DYSF: variants seen among roughly 807,000 people sequenced by gnomAD.
The protein encoded by DYSF is dystrophy-associated fer-1-like 1.
DYSF carries 212 observed loss-of-function variants against 274.9 expected under a neutral mutation model. The observed-to-expected ratio is 0.77, with a 90% CI of 0.69 to 0.86. DYSF has a LOEUF of 0.86. Ranked by LOEUF, DYSF falls within the 40% of genes least tolerant of loss-of-function variation. The pLI is 0.00. For missense variants in DYSF, 2,666 were observed against 2,783.2 expected (o/e 0.96, Z 0.95); for synonymous variants, 1,091 against 1,078.7 (o/e 1.01, Z -0.22).
intron 17 of DYSF, among the ~76,000 whole-genome samples, chr2:71,550,699 G>T (rs913432441): frequency 1.3e-5 from 2 of 152,196 alleles, no homozygotes; most frequent in Non-Finnish European, 2.9e-5. Context: ...AACTTTGTGT[G>T]CTGGCTGAGT....
chr2:71,606,027 A>C (rs2093640764), intron 36 of DYSF, among the ~76,000 whole-genome samples: 2 of 152,056 alleles, frequency 1.3e-5, no homozygotes, highest in South Asian at 4.1e-4. Context: ...GAGGGTCCAT[A>C]GGCTACTGAT....
chr2:71,662,914 GTA>G (rs887581831), intron 45 of DYSF, among the ~76,000 whole-genome samples: 6 of 30,812 alleles, frequency 1.9e-4, no homozygotes, highest in Non-Finnish European at 6.3e-4. Flanking sequence ...GCCTGTGTGT[GTA>G]TATGTGTGCA....
chr2:71,493,164 C>T (rs1333866930), intron 3 of DYSF, among the ~76,000 whole-genome samples: 1 of 152,142 alleles, frequency 6.6e-6, no homozygotes, highest in Non-Finnish European at 1.5e-5. Flanking sequence ...GGTGGGATTA[C>T]AGGAGGGAGC....
chr2:71,581,075 A>G (rs768636303), intron 30 of DYSF, among the ~76,000 whole-genome samples: 7 of 152,246 alleles, frequency 4.6e-5, no homozygotes, highest in Non-Finnish European at 8.8e-5. Context: ...AGGCGTAAGT[A>G]GGACCATTCC....
chr2:71,644,583 G>A (rs2094538949), intron 42 of DYSF, among the ~76,000 whole-genome samples: 1 of 152,096 alleles, frequency 6.6e-6, no homozygotes, highest in East Asian at 1.9e-4. Context: ...CTACAATTGG[G>A]CCAGAAAATT....
chr2:71,481,829 C>A, intron 2 of DYSF, 50 bp from the exon 3 acceptor site: 1 of 1,504,556 alleles, frequency 6.6e-7, no homozygotes, highest in Middle Eastern at 1.7e-4. Context: ...GACACAGTCT[C>A]TTCTCCTAGA....
At chr2:71,535,364 G>A in intron 16 of DYSF, 53 bp downstream of exon 16, 1 of 1,556,718 alleles carries the variant, frequency 6.4e-7, no homozygotes. Flanking sequence ...GGGGGCGCTG[G>A]GTCCCTCAGT....
At chr2:71,617,386 AT>A (rs1255530786) in intron 40 of DYSF, among the ~76,000 whole-genome samples, 1 of 152,194 alleles carries the variant, frequency 6.6e-6, no homozygotes. Flanking sequence ...CAAGTTCACC[AT>A]AGGCTAAGCA....
At chr2:71,545,472 C>T (rs1246699179) in intron 17 of DYSF, among the ~76,000 whole-genome samples, 3 of 152,098 alleles carry the variant, frequency 2.0e-5, no homozygotes. Context: ...CAATCTGTTC[C>T]GGGATGTGGC....
intron 53 of DYSF, 125 bp from the exon 54 acceptor site, chr2:71,680,876 T>C: frequency 1.2e-6 from 1 of 803,192 alleles, no homozygotes; most frequent in Non-Finnish European, 2.1e-6. Flanking sequence ...GCTTTTATGT[T>C]CAGAAACCCT....
At chr2:71,617,849 AGATGG>A (rs1276033639) in intron 40 of DYSF, among the ~76,000 whole-genome samples, 1 of 64,528 alleles carries the variant, frequency 1.5e-5, no homozygotes, top group Non-Finnish European at 3.1e-5. Flanking sequence ...TGTGTGGTAG[AGATGG>A]GGTGTGTGTG....
At chr2:71,509,011 C>T (rs2085793561) in intron 4 of DYSF, among the ~76,000 whole-genome samples, 2 of 152,022 alleles carry the variant, frequency 1.3e-5, no homozygotes, top group Non-Finnish European at 1.5e-5. Context: ...TGCCACCACA[C>T]CTGGCTATTT....
intron 22 of DYSF, among the ~76,000 whole-genome samples, chr2:71,560,422 C>CACAGGGCTCCGGCCCAGGCCCCCCCCCA (rs1359024539): frequency 6.7e-5 from 1 of 14,844 alleles, no homozygotes; most frequent in Non-Finnish European, 1.9e-4. Context: ...GGCAGGCCCC[C>CACAGGGCTCCGGCCCAGGCCCCCCCCCA]GCCCCGCTAC....
chr2:71,561,614 G>A, intron 22 of DYSF, 138 bp from the exon 23 acceptor site: 2 of 922,030 alleles, frequency 2.2e-6, no homozygotes, highest in Non-Finnish European at 3.5e-6. Context: ...GGCTGTGTGT[G>A]TGGAGCGGGC....
At chr2:71,482,156 A>C (rs2082967088) in intron 3 of DYSF, among the ~76,000 whole-genome samples, 186 bp downstream of exon 3, 1 of 152,170 alleles carries the variant, frequency 6.6e-6, no homozygotes, top group Non-Finnish European at 1.5e-5. Context: ...GAACTCAGCC[A>C]TGGGTACAGC....
At position 71,658,983 on chromosome 2, in the gene DYSF, A is replaced by T. The variant is rs2094828465; in HGVS notation, c.4861A>T (p.Ile1621Phe). Residue 1621 changes from isoleucine to phenylalanine, a missense_variant, in exon 44 of 56, where the codon ATC (isoleucine) becomes TTC (phenylalanine). Physicochemically the swap from Ile to Phe is conservative, Grantham distance 21 (BLOSUM62 0). Around this residue, in one of 3 missense-constraint regions of DYSF, gnomAD observed 1,460 missense variants for 1,502.1 expected, o/e 0.97. Transcript: ENST00000410020. ...GGGACCCCAGGAGTGCTTGGTCCGTATCTACATTGTCCGAGCATTTGGCCT... is the reference window on the plus strand; with the variant it reads ...GGGACCCCAGGAGTGCTTGGTCCGTTTCTACATTGTCCGAGCATTTGGCCT... ...AQGPQECLVR[I>F]YIVRAFGLQP... The T allele has an allele frequency of 6.2e-7, 1 of 1,614,162 alleles. No homozygotes were observed. The highest frequency in any genetic ancestry group is 8.5e-7 in the Non-Finnish European group (1 of 1,180,014).
rs1211195191 is a variant in DYSF, at chr2:71,485,244, T to C, written c.239+3274T>C. On this transcript the variant is annotated intron_variant, in intron 3 of 55. Transcript: ENST00000410020. ...AGAATATGCCAAAGCAACACTGTCA[T>C]GAGAAGAAATGATAGAATTTTGGCT... Among the ~76,000 whole-genome samples, 3 of 152,162 alleles carry C rather than the reference T, an allele frequency of 2.0e-5. 1 individual carries two copies. The highest frequency in any genetic ancestry group is 7.2e-5 in the African/African-American group (3 of 41,430).
intron 44 of DYSF, 49 bp downstream of exon 44, chr2:71,659,082 C>T (rs945504925): frequency 1.2e-6 from 2 of 1,612,648 alleles, no homozygotes; most frequent in South Asian, 2.2e-5. Flanking sequence ...GGCTCAGGTA[C>T]AAGTGGCCTA....
chr2:71,570,836 T>C (rs2092378386), intron 29 of DYSF, 95 bp downstream of exon 29: 3 of 1,554,782 alleles, frequency 1.9e-6, no homozygotes, highest in Non-Finnish European at 2.6e-6. Flanking sequence ...CACATGCATG[T>C]GTGCACACAG....
Sources: allele counts gnomAD v4.1 joint callset (sites outside exome capture counted in the v4.1 genomes callset), GRCh38; gene constraint gnomAD v4.1.1; regional missense constraint gnomAD v4.1.1; transcripts MANE v1.5; gene names NCBI Gene and HGNC (gene_info 2026-07-23, HGNC 2026-07-21).